Variants in WFDC9 observed in about 807,000 individuals in gnomAD.
WFDC9 encodes WAP four-disulfide core domain 9.
In WFDC9, 9 loss-of-function variants were observed where a neutral mutation model predicts 9.5. The ratio of observed to expected loss-of-function variants is 0.95; its 90% CI spans 0.57 to 1.65. The LOEUF (loss-of-function observed/expected upper bound fraction) is 1.65. Ranked by LOEUF, WFDC9 falls within the 40% of genes most tolerant of loss-of-function variation. The probability of loss-of-function intolerance (pLI) is 0.00; values close to 1 mark genes in which losing one functional copy is unlikely to be tolerated. For synonymous variants in WFDC9, 33 were observed against 32.3 expected, an observed-to-expected ratio of 1.02 and a Z score of -0.07; for missense variants, 87 against 106.7, an observed-to-expected ratio of 0.82 and a Z score of 0.81.
chr20:45,617,021 A>G (rs1183417834), intron 1 of WFDC9, among the ~76,000 whole-genome samples: 7 of 152,198 alleles, frequency 4.6e-5, no homozygotes, highest in African/African-American at 1.7e-4. Flanking sequence ...TATCTATGAA[A>G]GTTCTAGATG....
At chr20:45,623,992 A>G (rs1013755101) in intron 1 of WFDC9, among the ~76,000 whole-genome samples, 9 of 152,008 alleles carry the variant, frequency 5.9e-5, no homozygotes, top group Admixed American at 3.9e-4. Flanking sequence ...GGAGTTCAAG[A>G]CCAGCCTGGC....
At chr20:45,620,323 G>A (rs539459010) in intron 1 of WFDC9, among the ~76,000 whole-genome samples, 9 of 152,208 alleles carry the variant, frequency 5.9e-5, no homozygotes, top group African/African-American at 1.9e-4. Flanking sequence ...CAATTGGGCC[G>A]GGTGTGATGG....
chr20:45,631,104 G>C (rs907921214), intron 1 of WFDC9, 99 bp downstream of exon 1: 1 of 1,434,688 alleles, frequency 7.0e-7, no homozygotes, highest in Non-Finnish European at 9.3e-7. Flanking sequence ...AGGACCTCAA[G>C]TCACCAGCAT....
At chr20:45,614,011 G>A (rs73131041) in intron 2 of WFDC9, among the ~76,000 whole-genome samples, 5,334 of 152,224 alleles carry the variant, frequency 0.035, 102 homozygotes, top group Middle Eastern at 0.088. Context: ...TAAATCCAAA[G>A]CATTGGATTC....
intron 1 of WFDC9, among the ~76,000 whole-genome samples, chr20:45,622,730 A>T (rs1287608569): frequency 6.6e-6 from 1 of 152,066 alleles, no homozygotes; most frequent in African/African-American, 2.4e-5. Context: ...AATGATGCCA[A>T]TATCTACTCT....
intron 1 of WFDC9, among the ~76,000 whole-genome samples, chr20:45,625,340 A>G (rs1982193352): frequency 6.6e-6 from 1 of 152,174 alleles, no homozygotes. Context: ...TCAAGATGAG[A>G]TTTGGGTGGA....
At chr20:45,619,808 A>G (rs1234932898) in intron 1 of WFDC9, among the ~76,000 whole-genome samples, 2 of 152,124 alleles carry the variant, frequency 1.3e-5, no homozygotes. Context: ...GTGGATTACC[A>G]GAGGTCAGGA....
At chr20:45,617,509 A>G (rs1021428239) in intron 1 of WFDC9, among the ~76,000 whole-genome samples, 3 of 152,084 alleles carry the variant, frequency 2.0e-5, no homozygotes, top group African/African-American at 7.2e-5. Flanking sequence ...CAAAAACCCA[A>G]CTACTAATAG....
chr20:45,611,017 G>A (rs552364755), intron 2 of WFDC9, among the ~76,000 whole-genome samples: 4 of 152,272 alleles, frequency 2.6e-5, no homozygotes, highest in East Asian at 1.9e-4. Context: ...TGGCCAAAGC[G>A]GCCTGTAGTA....
At chr20:45,629,017 C>A (rs999343756) in intron 1 of WFDC9, among the ~76,000 whole-genome samples, 14 of 152,284 alleles carry the variant, frequency 9.2e-5, no homozygotes, top group African/African-American at 3.1e-4. Context: ...TAGGTCTCTC[C>A]CCCTGTCTGA....
rs965131772 is a variant in WFDC9 at position 45,629,617 on chromosome 20, A to G, written c.-153+1586T>C. On this transcript the variant is annotated intron_variant, in intron 1 of 4. Coordinates refer to ENST00000326000, the MANE Select transcript of WFDC9 (RefSeq NM_147198.4). ...GAGGCGTCATTCCTGCGGAAGCCCT[A>G]TCCCACATGACGAACGACAAGGCCA... is the stretch of plus-strand genomic sequence containing the variant. The G allele has an allele frequency of 6.9e-5, 35 of 504,150 alleles. 1 individual carries two copies. Among genetic ancestry groups the G allele is most frequent in the African/African-American group, 6.4e-4 (33 of 51,756 alleles). The allele number at this position is 504,150 out of a possible 1,614,324, so 31.2% of individuals were successfully genotyped here.
chr20:45,628,845 T>C (rs917863975), intron 1 of WFDC9, among the ~76,000 whole-genome samples: 2 of 152,184 alleles, frequency 1.3e-5, no homozygotes, highest in Non-Finnish European at 2.9e-5. Context: ...GTGATCTTCT[T>C]CCCAGCTTGC....
At chr20:45,629,250 T>C (rs753251373) in intron 1 of WFDC9, among the ~76,000 whole-genome samples, 3 of 152,192 alleles carry the variant, frequency 2.0e-5, no homozygotes, top group Non-Finnish European at 4.4e-5. Context: ...AATATGACAT[T>C]CTCTAGATTA....
chr20:45,628,022 A>G (rs912610602), intron 1 of WFDC9, among the ~76,000 whole-genome samples: 1 of 152,130 alleles, frequency 6.6e-6, no homozygotes, highest in Non-Finnish European at 1.5e-5. Context: ...CCATCTCTTT[A>G]CTAAATTTAC....
chr20:45,631,064 A>G (rs1157100851), intron 1 of WFDC9, 139 bp downstream of exon 1: 2 of 1,518,806 alleles, frequency 1.3e-6, no homozygotes, highest in East Asian at 2.4e-5. Flanking sequence ...CAACTCCTCT[A>G]TCCAAGACTG....
chr20:45,630,032 T>C, intron 1 of WFDC9: 1 of 1,340,500 alleles, frequency 7.5e-7, no homozygotes, highest in South Asian at 1.4e-5. Context: ...CAATGTTGTG[T>C]AGACTCTGGA....
intron 4 of WFDC9, 30 bp downstream of exon 4, chr20:45,608,633 G>C: frequency 6.2e-7 from 1 of 1,600,300 alleles, no homozygotes; most frequent in Non-Finnish European, 8.5e-7. Context: ...GCATGCCCAG[G>C]CCCTAGCCTT....
chr20:45,629,572 G>T (rs1462270937), intron 1 of WFDC9: 2 of 384,530 alleles, frequency 5.2e-6, no homozygotes, highest in Non-Finnish European at 9.3e-6. Flanking sequence ...AAGAACACAA[G>T]ACTGGTTATG....
intron 1 of WFDC9, among the ~76,000 whole-genome samples, chr20:45,617,682 T>A (rs1207101298): frequency 4.6e-5 from 7 of 152,034 alleles, no homozygotes; most frequent in Non-Finnish European, 8.8e-5. Flanking sequence ...TGAGATGGGG[T>A]CTCACTATGT....
Sources: allele counts gnomAD v4.1 joint callset (sites outside exome capture counted in the v4.1 genomes callset), GRCh38; gene constraint gnomAD v4.1.1; transcripts MANE v1.5; gene names NCBI Gene and HGNC (gene_info 2026-07-23, HGNC 2026-07-21).